Variants in DIP2B observed in about 807,000 individuals in gnomAD.
DIP2B encodes disco-interacting protein 2 homolog B.
DIP2B carries 76 observed loss-of-function variants against 198.0 expected under a neutral mutation model. The ratio of observed to expected loss-of-function variants is 0.38; its 90% CI spans 0.32 to 0.46. The LOEUF (loss-of-function observed/expected upper bound fraction) is 0.46. Ranked by LOEUF, DIP2B falls within the 20% of genes least tolerant of loss-of-function variation. DIP2B has a pLI of 0.99. For missense variants in DIP2B, 1,559 were observed against 1,978.4 expected, an observed-to-expected ratio of 0.79 and a Z score of 4.02; for synonymous variants, 701 against 739.1, an observed-to-expected ratio of 0.95 and a Z score of 0.84.
chr12:50,655,345 T>G (rs1301242011), intron 3 of DIP2B, among the ~76,000 whole-genome samples: 1 of 152,240 alleles, frequency 6.6e-6, no homozygotes, highest in Non-Finnish European at 1.5e-5. Flanking sequence ...ATAGTAAATA[T>G]GTATGTATCT....
At position 50,640,865 on chromosome 12, in the gene DIP2B, T is replaced by G. The variant is rs1292552268; in HGVS notation, c.301+13T>G. On this transcript the variant is annotated intron_variant, in intron 3 of 37. Transcript: ENST00000301180. ...CGATATCGATCAGGTGAGGAGAAGC[T>G]GCAGAATGGCCAGCTGAATCGTTTT... The G allele has an allele frequency of 4.4e-6, 7 of 1,609,144 alleles. No homozygotes were observed. The highest frequency in any genetic ancestry group is 2.2e-5 in the East Asian group (1 of 44,828).
At chr12:50,719,765 C>T (rs989539412) in intron 25 of DIP2B, among the ~76,000 whole-genome samples, 5 of 151,226 alleles carry the variant, frequency 3.3e-5, no homozygotes, top group Admixed American at 1.3e-4. Flanking sequence ...CGCTTGAATC[C>T]GGGAGGCGGA....
intron 2 of DIP2B, among the ~76,000 whole-genome samples, chr12:50,635,989 TAGGAGA>T (rs1427462347): frequency 6.6e-6 from 1 of 152,186 alleles, no homozygotes; most frequent in African/African-American, 2.4e-5. Flanking sequence ...CCAGTTACTA[TAGGAGA>T]TACAAGATGC....
chr12:50,574,198 T>C (rs185908418), intron 1 of DIP2B, among the ~76,000 whole-genome samples: 6 of 152,322 alleles, frequency 3.9e-5, no homozygotes, highest in African/African-American at 1.4e-4. Flanking sequence ...AATTATCTTA[T>C]TAAGATTACA....
In DIP2B at chr12:50,691,069, G is replaced by A. The variant is rs1466020575; in HGVS notation, c.1572G>A (p.Gly524=). The change falls in exon 13 of 38, where the codon GGG becomes GGA. Residue 524 remains glycine (G), a synonymous_variant. Coordinates refer to ENST00000301180, the MANE Select transcript of DIP2B (RefSeq NM_173602.3). Reference sequence around the variant, plus strand: ...TCTAGTATAAAACAAGCAAAGAAGGGAGTGTAATGGGAGTTACAGTATCCC... The same window carrying A: ...TCTAGTATAAAACAAGCAAAGAAGGAAGTGTAATGGGAGTTACAGTATCCC... ...AYIEYKTSKE[G]SVMGVTVSRL... 3.7e-6 allele frequency: 6 copies of A among 1,613,966 alleles called. No individual in the cohort carries two copies. The highest frequency in any genetic ancestry group is 2.5e-6 in the Non-Finnish European group (3 of 1,179,976).
chr12:50,717,407 C>T (rs1473676601), intron 23 of DIP2B, among the ~76,000 whole-genome samples: 3 of 130,218 alleles, frequency 2.3e-5, no homozygotes, highest in Non-Finnish European at 4.7e-5. Flanking sequence ...GCACTGTCGC[C>T]CAGGCTGGAG....
intron 1 of DIP2B, among the ~76,000 whole-genome samples, chr12:50,507,717 G>A (rs1957980159): frequency 6.6e-6 from 1 of 152,098 alleles, no homozygotes; most frequent in Admixed American, 6.6e-5. Flanking sequence ...TGTATTTATA[G>A]TAGAGACCGG....
intron 3 of DIP2B, among the ~76,000 whole-genome samples, chr12:50,645,255 T>C (rs1312988936): frequency 3.9e-5 from 6 of 152,168 alleles, no homozygotes; most frequent in Non-Finnish European, 8.8e-5. Flanking sequence ...ATGTTCTTTA[T>C]CCAGAAATTC....
chr12:50,524,138 G>A (rs1308608898), intron 1 of DIP2B, among the ~76,000 whole-genome samples: 1 of 152,172 alleles, frequency 6.6e-6, no homozygotes, highest in Non-Finnish European at 1.5e-5. Flanking sequence ...AAGTCCATCA[G>A]TGAGCCTTTT....
chr12:50,732,846 C>T (rs552839595), intron 32 of DIP2B, among the ~76,000 whole-genome samples: 3 of 152,182 alleles, frequency 2.0e-5, no homozygotes, highest in East Asian at 1.9e-4. Context: ...GTCATGATGA[C>T]GAGTCACAAA....
chr12:50,592,949 T>C (rs1009371149), intron 1 of DIP2B, among the ~76,000 whole-genome samples: 8 of 151,744 alleles, frequency 5.3e-5, no homozygotes, highest in Non-Finnish European at 8.8e-5. Flanking sequence ...CACTGATGGC[T>C]GACCTGTTCA....
At chr12:50,575,079 A>G (rs1476473712) in intron 1 of DIP2B, among the ~76,000 whole-genome samples, 1 of 151,924 alleles carries the variant, frequency 6.6e-6, no homozygotes, top group East Asian at 1.9e-4. Flanking sequence ...GGTGTTTTGC[A>G]TGATTATAGC....
intron 1 of DIP2B, among the ~76,000 whole-genome samples, chr12:50,584,241 G>A (rs1000425549): frequency 6.6e-6 from 1 of 152,160 alleles, no homozygotes; most frequent in African/African-American, 2.4e-5. Flanking sequence ...AGGTACAGAG[G>A]CAAGTTCTGA....
chr12:50,682,684 G>GGT (rs1217513717), intron 9 of DIP2B, among the ~76,000 whole-genome samples: 12 of 149,820 alleles, frequency 8.0e-5, no homozygotes, highest in African/African-American at 2.7e-4. Context: ...GCCCTAACAT[G>GGT]GTGATCAAGT....
intron 1 of DIP2B, among the ~76,000 whole-genome samples, chr12:50,512,098 A>G (rs531456307): frequency 2.8e-5 from 4 of 140,858 alleles, no homozygotes; most frequent in Admixed American, 7.9e-5. Context: ...CCTTAGCTCA[A>G]TGTAAGCTCT....
chr12:50,536,308 C>CATAT (rs1555182435), intron 1 of DIP2B, among the ~76,000 whole-genome samples: 2 of 151,704 alleles, frequency 1.3e-5, no homozygotes, highest in Admixed American at 6.6e-5. Context: ...TACATACATA[C>CATAT]GCCAGGCTGC....
chr12:50,711,397 T>C (rs1281635432), intron 22 of DIP2B, among the ~76,000 whole-genome samples: 1 of 152,202 alleles, frequency 6.6e-6, no homozygotes, highest in Non-Finnish European at 1.5e-5. Flanking sequence ...TCAGGCTACA[T>C]GTAGCACATT....
At chr12:50,700,162 T>C (rs1384545103) in intron 19 of DIP2B, among the ~76,000 whole-genome samples, 1 of 152,202 alleles carries the variant, frequency 6.6e-6, no homozygotes, top group East Asian at 1.9e-4. Context: ...CAAAACTCCT[T>C]GTGGAGCTCA....
intron 3 of DIP2B, among the ~76,000 whole-genome samples, chr12:50,657,694 A>G (rs1266951225): frequency 6.6e-6 from 1 of 152,220 alleles, no homozygotes; most frequent in Non-Finnish European, 1.5e-5. Flanking sequence ...ATAACCTGAA[A>G]TTAATTATAA....
Sources: gnomAD v4.1 joint callset for allele counts (sites outside exome capture counted in the v4.1 genomes callset) on GRCh38, gnomAD v4.1.1 for gene constraint, MANE v1.5 for transcripts, NCBI Gene and HGNC (gene_info 2026-07-23, HGNC 2026-07-21) for gene names.